NTRK3: variants seen among roughly 807,000 people sequenced by gnomAD.
NTRK3 encodes neurotrophic receptor tyrosine kinase 3, also known as NT-3 growth factor receptor.
A neutral mutation model predicts 91.7 loss-of-function variants in NTRK3; 24 were observed. The observed-to-expected ratio is 0.26, with a 90% CI of 0.19 to 0.37. The LOEUF is 0.37. Among genes scored for constraint, NTRK3 ranks in the 10% least tolerant of loss-of-function variants. The pLI is 1.00. For synonymous variants in NTRK3, 483 were observed against 404.0 expected (o/e 1.20, Z -2.34); for missense variants, 880 against 1,068.9 (o/e 0.82, Z 2.46).
At chr15:88,204,796 G>A (rs891610202) in intron 3 of NTRK3, among the ~76,000 whole-genome samples, 5 of 152,294 alleles carry the variant, frequency 3.3e-5, no homozygotes, top group Middle Eastern at 3.4e-3. Flanking sequence ...CACTGGGGGC[G>A]TGCCACCTGC....
At chr15:88,161,148 C>A (rs1330379508) in intron 5 of NTRK3, among the ~76,000 whole-genome samples, 1 of 152,118 alleles carries the variant, frequency 6.6e-6, no homozygotes, top group African/African-American at 2.4e-5. Context: ...TTGCTCTTGG[C>A]CAGCTATCTT....
chr15:88,141,252 A>ATTATT (rs1233278910), intron 6 of NTRK3, among the ~76,000 whole-genome samples: 3 of 152,320 alleles, frequency 2.0e-5, no homozygotes, highest in Non-Finnish European at 4.4e-5. Flanking sequence ...GACAGGAAAA[A>ATTATT]ATGAGACGAA....
At chr15:88,086,689 T>A (rs768717097) in intron 13 of NTRK3, among the ~76,000 whole-genome samples, 1 of 152,208 alleles carries the variant, frequency 6.6e-6, no homozygotes, top group Non-Finnish European at 1.5e-5. Context: ...AAAATCAGAA[T>A]GTCTAGCGAC....
chr15:87,894,071 T>C (rs1249360285), intron 17 of NTRK3, among the ~76,000 whole-genome samples: 2 of 152,268 alleles, frequency 1.3e-5, no homozygotes, highest in African/African-American at 4.8e-5. Context: ...ATTTAATCTT[T>C]CTTGATTCCA....
intron 13 of NTRK3, among the ~76,000 whole-genome samples, chr15:88,042,669 C>G (rs2079759648): frequency 6.6e-6 from 1 of 152,176 alleles, no homozygotes; most frequent in African/African-American, 2.4e-5. Context: ...AATGATGTTG[C>G]TCATCAACCA....
intron 17 of NTRK3, among the ~76,000 whole-genome samples, chr15:87,884,751 T>C (rs747358014): frequency 4.3e-4 from 66 of 151,850 alleles, no homozygotes; most frequent in Non-Finnish European, 6.9e-4. Flanking sequence ...AGAAAAACCA[T>C]ATTTTCAAAA....
intron 5 of NTRK3, among the ~76,000 whole-genome samples, chr15:88,165,707 G>T (rs2044870400): frequency 6.6e-6 from 1 of 152,174 alleles, no homozygotes; most frequent in Non-Finnish European, 1.5e-5. Flanking sequence ...TGCTCTCATT[G>T]ACAGATAAGC....
rs8042990 is a variant in NTRK3 at position 88,188,222 on chromosome 15, G to T, written c.249-3923C>A. Reference sequence around the variant, plus strand: ...GGTTCAATCAGAAACAGAGAGTGGAGGGAGGAGAAAGAGGGCAAAGGGGTG... The same window carrying T: ...GGTTCAATCAGAAACAGAGAGTGGATGGAGGAGAAAGAGGGCAAAGGGGTG... On this transcript the variant is annotated intron_variant, in intron 3 of 18. Coordinates refer to ENST00000394480, the Ensembl canonical transcript of NTRK3. Among the ~76,000 whole-genome samples the T allele has an allele frequency of 5.9e-5, 9 of 152,196 alleles. No individual in the cohort carries two copies. In the South Asian group the frequency reaches 1.2e-3, roughly 21 times the overall value.
chr15:88,120,765 T>C (rs2052618498), intron 13 of NTRK3, among the ~76,000 whole-genome samples: 1 of 152,234 alleles, frequency 6.6e-6, no homozygotes, highest in African/African-American at 2.4e-5. Context: ...AGCTGATGTA[T>C]TCATAATCCA....
Position 88,094,928 on chromosome 15 carries a change from G to C in NTRK3, c.1396+31343C>G, listed in dbSNP as rs191449321. ...AATCTGATTGGCCAAATGTTTATTA[G>C]AGAATTATTAGTAGAAATTGAACAG... On this transcript the variant is annotated intron_variant, in intron 13 of 18. Transcript: ENST00000394480. 5.1e-4 allele frequency among the ~76,000 whole-genome samples: 78 copies of C among 152,314 alleles called. No homozygotes were observed. The East Asian group carries it at 0.013, about 24-fold the overall frequency.
chr15:88,065,167 C>T (rs1351238859), intron 13 of NTRK3, among the ~76,000 whole-genome samples: 1 of 152,060 alleles, frequency 6.6e-6, no homozygotes, highest in Non-Finnish European at 1.5e-5. Flanking sequence ...TAGAGGTCAC[C>T]TTAGCACCTC....
rs968231940 is a variant in NTRK3, at chr15:88,153,442, A to T, written c.396-6039T>A. Among the ~76,000 whole-genome samples the T allele has an allele frequency of 5.3e-5, 8 of 152,166 alleles. 1 individual carries two copies. The South Asian group carries it at 1.7e-3, about 32-fold the overall frequency. On this transcript the variant is annotated intron_variant, in intron 5 of 18. Transcript: ENST00000394480. ...TATTTTTAGTAGACACTAAAAATAC[A>T]TGCGGTTTCTCCATGTTGGTCAGGC... is the stretch of plus-strand genomic sequence containing the variant.
At chr15:88,215,435 G>A (rs763379055) in intron 3 of NTRK3, among the ~76,000 whole-genome samples, 7 of 152,250 alleles carry the variant, frequency 4.6e-5, no homozygotes, top group South Asian at 2.1e-4. Flanking sequence ...TTACATCTCC[G>A]TTGACGCAGA....
intron 13 of NTRK3, among the ~76,000 whole-genome samples, chr15:88,114,440 A>T (rs2051809044): frequency 6.6e-6 from 1 of 152,246 alleles, no homozygotes; most frequent in South Asian, 2.1e-4. Flanking sequence ...AAAAAATGGC[A>T]TTAGAGAAAC....
intron 17 of NTRK3, among the ~76,000 whole-genome samples, chr15:87,893,599 G>GT: frequency 6.6e-6 from 1 of 152,268 alleles, no homozygotes; most frequent in South Asian, 2.1e-4. Flanking sequence ...GGAACCCACC[G>GT]CTTTGGGTTA....
At chr15:88,174,696 C>T (rs2045832819) in intron 5 of NTRK3, among the ~76,000 whole-genome samples, 1 of 152,196 alleles carries the variant, frequency 6.6e-6, no homozygotes, top group South Asian at 2.1e-4. Context: ...AGCCCTGTGC[C>T]ATAAGCAGGC....
intron 3 of NTRK3, among the ~76,000 whole-genome samples, chr15:88,211,735 C>T (rs149207408): frequency 2.0e-5 from 3 of 152,178 alleles, no homozygotes; most frequent in South Asian, 2.1e-4. Flanking sequence ...AATCAAGTCA[C>T]TACAAGTCAG....
chr15:88,127,191 T>C, exon 12 of NTRK3: 2 of 1,614,022 alleles, frequency 1.2e-6, no homozygotes, highest in Non-Finnish European at 1.7e-6. Flanking sequence ...GGTTTGTGGG[T>C]CACAGTGATA....
intron 14 of NTRK3, among the ~76,000 whole-genome samples, chr15:87,942,177 A>C (rs1275983752): frequency 2.6e-5 from 4 of 152,190 alleles, no homozygotes; most frequent in African/African-American, 9.7e-5. Context: ...TGATCTGCCT[A>C]GTAAGGATTT....
Sources: gnomAD v4.1 joint callset for allele counts (sites outside exome capture counted in the v4.1 genomes callset) on GRCh38, gnomAD v4.1.1 for gene constraint, MANE v1.5 for transcripts, NCBI Gene and HGNC (gene_info 2026-07-23, HGNC 2026-07-21) for gene names.